The following DPYSL3 variants were observed in gnomAD, a reference collection of about 807,000 sequenced individuals.
DPYSL3 encodes the protein dihydropyrimidinase like 3.
A neutral mutation model predicts 66.1 loss-of-function variants in DPYSL3; 16 were observed. The ratio of observed to expected loss-of-function variants is 0.24; its 90% CI spans 0.16 to 0.37. The LOEUF (loss-of-function observed/expected upper bound fraction) is 0.37, where lower values mean the gene tolerates loss of function less well. Ranked by LOEUF, DPYSL3 falls within the 10% of genes least tolerant of loss-of-function variation. DPYSL3 has a pLI of 1.00. For missense variants in DPYSL3, 738 were observed against 916.2 expected (o/e 0.81, Z 2.51); for synonymous variants, 338 against 345.1 (o/e 0.98, Z 0.23).
At chr5:147,399,052 C>G in intron 11 of DPYSL3, 30 bp downstream of exon 11, 1 of 1,608,572 alleles carries the variant, frequency 6.2e-7, no homozygotes, top group South Asian at 1.1e-5. Context: ...ATTCTCCATT[C>G]TACTCCACTC....
intron 1 of DPYSL3, among the ~76,000 whole-genome samples, chr5:147,493,918 C>A (rs540937101): frequency 4.6e-5 from 7 of 152,150 alleles, no homozygotes; most frequent in Non-Finnish European, 1.0e-4. Flanking sequence ...ACTGGCCAGG[C>A]GCAGTGGCTC....
At chr5:147,410,150 A>G (rs1222921963) in intron 6 of DPYSL3, among the ~76,000 whole-genome samples, 2 of 152,124 alleles carry the variant, frequency 1.3e-5, no homozygotes, top group Non-Finnish European at 2.9e-5. Flanking sequence ...CAGTCACACA[A>G]GGGTTAAGGT....
At chr5:147,455,221 T>C (rs1752825583) in intron 1 of DPYSL3, among the ~76,000 whole-genome samples, 1 of 152,180 alleles carries the variant, frequency 6.6e-6, no homozygotes, top group Non-Finnish European at 1.5e-5. Context: ...GCTTGGGCTT[T>C]CCATAAACCC....
rs1374853837 is a variant in DPYSL3, at chr5:147,391,964, CAG to C, written c.*2069_*2070del. 2 of 152,240 alleles carry C rather than the reference CAG, an allele frequency of 1.3e-5. No individual in the cohort carries two copies. Among genetic ancestry groups the C allele is most frequent in the Non-Finnish European group, 2.9e-5 (2 of 68,078 alleles). The allele number at this position is 152,240 out of a possible 1,614,324, so 9.4% of individuals were successfully genotyped here. A position where few individuals can be genotyped will look rare whatever the true frequency, so the allele number is the denominator to read the frequency against. The stretch of plus-strand genomic sequence containing the variant: ...AGGTTGTGCAGAGATGAGTCAGACT[CAG>C]GGGCTGAGTAACAGCAGAGCAGAGA... On this transcript the variant is annotated 3_prime_UTR_variant, in exon 14 of 14. Coordinates refer to ENST00000343218, the MANE Select transcript of DPYSL3 (RefSeq NM_001197294.2).
intron 1 of DPYSL3, among the ~76,000 whole-genome samples, chr5:147,504,612 T>C (rs1249088298): frequency 6.6e-6 from 1 of 152,232 alleles, no homozygotes; most frequent in Non-Finnish European, 1.5e-5. Context: ...AGAACATCAA[T>C]TTCTCTGAGT....
At position 147,412,684 on chromosome 5, in the gene DPYSL3, T is replaced by C; in HGVS notation, c.887A>G (p.Tyr296Cys). Reference protein sequence around the residue: ...DLYQVSNTELYEIFTCLGELG... With the variant: ...DLYQVSNTELCEIFTCLGELG... ...CTCTCCCAGGCAGGTGAAGATCTCA[T>C]AGAGCTGAAATAGAAATGAGTCTTT... Residue 296 changes from tyrosine to cysteine, a missense_variant, in exon 6 of 14, where the codon TAT becomes TGT. Coordinates refer to ENST00000343218, the MANE Select transcript of DPYSL3 (RefSeq NM_001197294.2). The C allele has an allele frequency of 6.2e-7, 1 of 1,610,466 alleles. No homozygotes were observed. The highest frequency in any genetic ancestry group is 8.5e-7 in the Non-Finnish European group (1 of 1,178,200).
At chr5:147,454,069 G>A (rs1752800406) in intron 1 of DPYSL3, 1 of 152,614 alleles carries the variant, frequency 6.6e-6, no homozygotes, top group African/African-American at 2.4e-5. Flanking sequence ...TTCGGGAGCG[G>A]AGGCTGAGTC....
chr5:147,453,589 G>GT lies in DPYSL3; in HGVS notation c.382-28627dup, dbSNP rs758927120. The GT allele has an allele frequency of 3.9e-6, 6 of 1,536,760 alleles. No homozygotes were observed. The East Asian group carries it at 1.5e-4, about 39-fold the overall frequency. On this transcript the variant is annotated intron_variant, in intron 1 of 13. Coordinates refer to ENST00000343218, the MANE Select transcript of DPYSL3 (RefSeq NM_001197294.2). ...GTTCTTCTTGCCTTGGTAGGACATG[G>GT]TGGCGGTGGTGGCTGCAGCGGCTGG... is the stretch of plus-strand genomic sequence containing the variant.
rs3805542 is a variant in DPYSL3 at position 147,414,928 on chromosome 5, T to C, written c.820+781A>G. On this transcript the variant is annotated intron_variant, in intron 4 of 13. Transcript: ENST00000343218. ...TGTTCTTCATGAGCCTGTTTTCTTTTGCCTTGGGTGTTCAGCAAAGGCCAT... is the reference window on the plus strand; with the variant it reads ...TGTTCTTCATGAGCCTGTTTTCTTTCGCCTTGGGTGTTCAGCAAAGGCCAT... Among the ~76,000 whole-genome samples, 2,187 of 152,272 alleles carry C rather than the reference T, an allele frequency of 0.014. 147 individuals carry two copies. In the East Asian group the frequency reaches 0.2, roughly 14 times the overall value.
chr5:147,500,430 A>G (rs1178768117), intron 1 of DPYSL3, among the ~76,000 whole-genome samples: 1 of 152,202 alleles, frequency 6.6e-6, no homozygotes, highest in East Asian at 1.9e-4. Context: ...CCTAGCCAAC[A>G]TGGTGAAATC....
intron 1 of DPYSL3, among the ~76,000 whole-genome samples, chr5:147,489,064 G>A (rs1281602094): frequency 1.3e-5 from 2 of 151,832 alleles, no homozygotes; most frequent in African/African-American, 4.8e-5. Context: ...TAGGCACTTG[G>A]GGCACATCAT....
chr5:147,466,471 G>A (rs1753011401), intron 1 of DPYSL3, among the ~76,000 whole-genome samples: 1 of 152,158 alleles, frequency 6.6e-6, no homozygotes, highest in African/African-American at 2.4e-5. Flanking sequence ...TAAATCACAA[G>A]ACTGAATCCC....
At chr5:147,421,743 A>AAAGT (rs1285095258) in intron 2 of DPYSL3, among the ~76,000 whole-genome samples, 1 of 152,222 alleles carries the variant, frequency 6.6e-6, no homozygotes, top group East Asian at 1.9e-4. Context: ...AAACCCGACA[A>AAAGT]AAGTAAGCAA....
At position 147,393,121 on chromosome 5, in the gene DPYSL3, G is replaced by C. The variant is rs1440883320; in HGVS notation, c.*914C>G. On this transcript the variant is annotated 3_prime_UTR_variant, in exon 14 of 14. Coordinates refer to ENST00000343218, the MANE Select transcript of DPYSL3 (RefSeq NM_001197294.2). ...TCGGTTTGCAAAGACAGAAGAGTGA[G>C]AGGTGACCTCGCCGTGTTTAGAAGG... 6.6e-6 allele frequency: 1 copy of C among 152,206 alleles called. No homozygotes were observed. Among genetic ancestry groups the C allele is most frequent in the African/African-American group, 2.4e-5 (1 of 41,440 alleles). 9.4% of individuals were successfully genotyped at this position (152,206 alleles called of 1,614,324 possible).
chr5:147,431,271 T>A (rs886524024), intron 1 of DPYSL3, among the ~76,000 whole-genome samples: 3 of 152,162 alleles, frequency 2.0e-5, no homozygotes, highest in African/African-American at 7.2e-5. Context: ...GTACTAAATA[T>A]GCTCTCAGGA....
At chr5:147,462,314 C>T (rs1434959229) in intron 1 of DPYSL3, among the ~76,000 whole-genome samples, 2 of 152,202 alleles carry the variant, frequency 1.3e-5, no homozygotes, top group East Asian at 3.9e-4. Context: ...TCCTTTCCTC[C>T]ACCATAATAT....
At chr5:147,466,923 T>C (rs768504064) in intron 1 of DPYSL3, among the ~76,000 whole-genome samples, 1 of 152,128 alleles carries the variant, frequency 6.6e-6, no homozygotes, top group Non-Finnish European at 1.5e-5. Context: ...GAGCAACTTA[T>C]CCAAGGAGCC....
At chr5:147,445,702 C>T (rs1316447968) in intron 1 of DPYSL3, among the ~76,000 whole-genome samples, 1 of 152,154 alleles carries the variant, frequency 6.6e-6, no homozygotes, top group East Asian at 1.9e-4. Context: ...GCCTGGTGAG[C>T]AGATACAGAC....
At chr5:147,446,386 T>A (rs1410650254) in intron 1 of DPYSL3, among the ~76,000 whole-genome samples, 2 of 152,216 alleles carry the variant, frequency 1.3e-5, no homozygotes, top group African/African-American at 4.8e-5. Context: ...TCCGAGGAAC[T>A]CTTCTCTTAA....
Sources: gnomAD v4.1 joint callset for allele counts (sites outside exome capture counted in the v4.1 genomes callset) on GRCh38, gnomAD v4.1.1 for gene constraint, MANE v1.5 for transcripts, NCBI Gene and HGNC (gene_info 2026-07-23, HGNC 2026-07-21) for gene names.